The following ANAPC4 variants were observed in gnomAD, a reference collection of about 807,000 sequenced individuals.
ANAPC4 encodes anaphase promoting complex subunit 4.
A neutral mutation model predicts 119.8 loss-of-function variants in ANAPC4; 63 were observed. The observed-to-expected ratio is 0.53, with a 90% CI of 0.43 to 0.65. The LOEUF is 0.65. ANAPC4 is among the 30% of genes least tolerant of loss of function. The pLI is 0.00. For missense variants in ANAPC4, 716 were observed against 945.1 expected (o/e 0.76, Z 3.18); for synonymous variants, 283 against 318.6 (o/e 0.89, Z 1.19).
chr4:25,417,961 C>T, intron 28 of ANAPC4, 194 bp from the exon 29 acceptor site: 1 of 836,136 alleles, frequency 1.2e-6, no homozygotes, highest in Non-Finnish European at 1.8e-6. Flanking sequence ...ATTTTAATCT[C>T]ACGAAATTGC....
intron 16 of ANAPC4, among the ~76,000 whole-genome samples, chr4:25,397,148 T>A (rs1054777114): frequency 6.6e-6 from 1 of 152,226 alleles, no homozygotes; most frequent in Non-Finnish European, 1.5e-5. Context: ...TTTAACTACT[T>A]CTATTTTTAG....
intron 16 of ANAPC4, among the ~76,000 whole-genome samples, chr4:25,399,450 T>A (rs1054208002): frequency 7.7e-5 from 10 of 129,970 alleles, no homozygotes; most frequent in Non-Finnish European, 1.8e-4. Context: ...TATATGTATG[T>A]CTGTGTATCT....
At position 25,418,432 on chromosome 4, in the gene ANAPC4, G is replaced by A. The variant is rs1560452272; in HGVS notation, c.*50G>A. On this transcript the variant is annotated 3_prime_UTR_variant, in exon 29 of 29. Coordinates refer to ENST00000315368, the MANE Select transcript of ANAPC4 (RefSeq NM_013367.3). The stretch of plus-strand genomic sequence containing the variant: ...TAATTATGGCCAAAAGGACATAGGA[G>A]ATGGACTAAGATGTCTTGGACCACC... 1.4e-6 allele frequency: 2 copies of A among 1,474,836 alleles called. No homozygotes were observed. The highest frequency in any genetic ancestry group is 3.5e-4 in the Middle Eastern group (2 of 5,652). The allele number at this position is 1,474,836 out of a possible 1,614,324, so 91.4% of individuals were successfully genotyped here.
intron 21 of ANAPC4, among the ~76,000 whole-genome samples, chr4:25,410,162 C>T (rs1577397640): frequency 6.6e-6 from 1 of 152,098 alleles, no homozygotes; most frequent in African/African-American, 2.4e-5. Context: ...CAACTGTATT[C>T]TCCTCGGGTT....
intron 20 of ANAPC4, among the ~76,000 whole-genome samples, chr4:25,407,991 TTTAG>T (rs1723355154): frequency 6.6e-6 from 1 of 152,238 alleles, no homozygotes; most frequent in Admixed American, 6.5e-5. Flanking sequence ...TACAATATAA[TTTAG>T]TTAAGAGTGG....
chr4:25,404,609 C>T (rs1288418011), intron 17 of ANAPC4, among the ~76,000 whole-genome samples: 1 of 152,036 alleles, frequency 6.6e-6, no homozygotes, highest in Non-Finnish European at 1.5e-5. Context: ...CACTGTGGTA[C>T]TCTTATTCAG....
chr4:25,400,336 A>G (rs1722896547), intron 16 of ANAPC4, among the ~76,000 whole-genome samples: 2 of 152,164 alleles, frequency 1.3e-5, no homozygotes. Context: ...AAGCAGAGGT[A>G]GGAGCTCATC....
chr4:25,391,900 A>G (rs557524479), intron 9 of ANAPC4, among the ~76,000 whole-genome samples: 11 of 152,370 alleles, frequency 7.2e-5, no homozygotes, highest in South Asian at 4.1e-4. Context: ...CATTTGGATT[A>G]TAATAAAATG....
chr4:25,380,123 G>A (rs997508171), intron 2 of ANAPC4, among the ~76,000 whole-genome samples: 6 of 152,206 alleles, frequency 3.9e-5, no homozygotes, highest in Middle Eastern at 3.4e-3. Context: ...TTGGACAGCC[G>A]CCTTCTTTAT....
In ANAPC4 at chr4:25,406,894, T is replaced by A. The variant is rs3214034; in HGVS notation, c.1374+9T>A. 763,532 of 1,571,508 alleles carry A rather than the reference T, an allele frequency of 0.49. 195,071 individuals are homozygous for A. The highest frequency in any genetic ancestry group is 0.53 in the Non-Finnish European group (606,306 of 1,154,344). On this transcript the variant is annotated intron_variant, in intron 19 of 28. Coordinates refer to ENST00000315368, the MANE Select transcript of ANAPC4 (RefSeq NM_013367.3). The stretch of plus-strand genomic sequence containing the variant: ...CTGAACATTTCAATGAGGTAAGAAG[T>A]TGATATTTCTGTAATGCAGTTTAAA...
chr4:25,384,742 G>T (rs565454430), intron 4 of ANAPC4, among the ~76,000 whole-genome samples: 2 of 151,436 alleles, frequency 1.3e-5, no homozygotes, highest in Admixed American at 1.3e-4. Context: ...GGTTGAGGCC[G>T]CAGTGAGCCG....
chr4:25,418,400 G>A lies in ANAPC4; in HGVS notation c.*18G>A, dbSNP rs768455834. On this transcript the variant is annotated 3_prime_UTR_variant, in exon 29 of 29. Coordinates refer to ENST00000315368, the MANE Select transcript of ANAPC4 (RefSeq NM_013367.3). ...ACTCCTAATCTAGCTTGCCATTATT[G>A]TGTGTGTAATTATGGCCAAAAGGAC... 3 of 1,609,826 alleles carry A rather than the reference G, an allele frequency of 1.9e-6. No homozygotes were observed. The highest frequency in any genetic ancestry group is 2.5e-6 in the Non-Finnish European group (3 of 1,176,554).
chr4:25,414,928 T>C (rs1723778481), intron 25 of ANAPC4, among the ~76,000 whole-genome samples: 1 of 152,142 alleles, frequency 6.6e-6, no homozygotes, highest in Non-Finnish European at 1.5e-5. Flanking sequence ...TGTAGGACTT[T>C]TTTTAGAGTT....
intron 4 of ANAPC4, among the ~76,000 whole-genome samples, chr4:25,387,177 T>C (rs1243341018): frequency 6.6e-6 from 1 of 152,154 alleles, no homozygotes; most frequent in Non-Finnish European, 1.5e-5. Flanking sequence ...TGCATTAGTG[T>C]GTGTAGTCAA....
chr4:25,398,199 G>C (rs1312033068), intron 16 of ANAPC4, among the ~76,000 whole-genome samples: 2 of 151,930 alleles, frequency 1.3e-5, no homozygotes, highest in Admixed American at 1.3e-4. Flanking sequence ...GATTTTCTGA[G>C]AGTTTTTTGA....
intron 10 of ANAPC4, 103 bp from the exon 11 acceptor site, chr4:25,393,702 A>G (rs1256935631): frequency 1.7e-6 from 1 of 602,520 alleles, no homozygotes; most frequent in African/African-American, 1.9e-5. Flanking sequence ...TTGAAAGTAA[A>G]TTCTAGATTT....
chr4:25,393,666 A>C (rs1722480456), intron 10 of ANAPC4, 139 bp from the exon 11 acceptor site: 1 of 525,796 alleles, frequency 1.9e-6, no homozygotes, highest in South Asian at 2.8e-5. Flanking sequence ...TGTCTCGATA[A>C]ATAAATAATA....
At chr4:25,392,232 A>G in intron 9 of ANAPC4, 106 bp from the exon 10 acceptor site, 3 of 793,176 alleles carry the variant, frequency 3.8e-6, no homozygotes, top group South Asian at 3.1e-5. Flanking sequence ...AGAGGGCACA[A>G]TTCTGACATA....
intron 3 of ANAPC4, among the ~76,000 whole-genome samples, chr4:25,383,046 A>G (rs1471366210): frequency 1.3e-5 from 2 of 152,140 alleles, no homozygotes; most frequent in African/African-American, 2.4e-5. Context: ...GATCTCCTAT[A>G]AAGTTTGAGC....
Sources: gnomAD v4.1 joint callset for allele counts (sites outside exome capture counted in the v4.1 genomes callset) on GRCh38, gnomAD v4.1.1 for gene constraint, MANE v1.5 for transcripts, NCBI Gene and HGNC (gene_info 2026-07-23, HGNC 2026-07-21) for gene names.